The following RGS9 variants were observed in gnomAD, a reference collection of about 807,000 sequenced individuals.
RGS9 encodes regulator of G-protein signalling 9.
In RGS9, 78 loss-of-function variants were observed where a neutral mutation model predicts 102.0. That is an observed-to-expected ratio of 0.76 (90% CI 0.64 to 0.92). The LOEUF (loss-of-function observed/expected upper bound fraction) is 0.92, where lower values mean the gene tolerates loss of function less well. Among genes scored for constraint, RGS9 ranks in the 40% least tolerant of loss-of-function variants. The pLI is 0.00. For missense variants in RGS9, 833 were observed against 866.1 expected (o/e 0.96, Z 0.48); for synonymous variants, 353 against 318.6 (o/e 1.11, Z -1.15).
chr17:65,168,213 A>C lies in RGS9; in HGVS notation c.514A>C (p.Arg172=). 5.6e-6 allele frequency: 9 copies of C among 1,610,472 alleles called. No individual in the cohort carries two copies. The highest frequency in any genetic ancestry group is 5.9e-6 in the Non-Finnish European group (7 of 1,178,466). ...TTGGCTTTCCAGGGCTGGAAAGGAGAGGAACAAAGCAGACAGATATGCCCT... is the reference window on the plus strand; with the variant it reads ...TTGGCTTTCCAGGGCTGGAAAGGAGCGGAACAAAGCAGACAGATATGCCCT... ...AKEQYRAGKE[R]NKADRYALDC... Residue 172 remains arginine (R), a synonymous_variant, in exon 8 of 19, where the codon AGG becomes CGG. Transcript: ENST00000262406.
At chr17:65,201,910 G>A in intron 13 of RGS9, 83 bp from the exon 14 acceptor site, 2 of 926,552 alleles carry the variant, frequency 2.2e-6, no homozygotes, top group Non-Finnish European at 3.6e-6. Context: ...CATCCCGGTT[G>A]ACTCATTTCT....
chr17:65,181,922 A>G (rs1676032169), intron 9 of RGS9, among the ~76,000 whole-genome samples: 1 of 152,322 alleles, frequency 6.6e-6, no homozygotes, highest in African/African-American at 2.4e-5. Flanking sequence ...AAATGTTGTC[A>G]TGCTATGAGA....
At chr17:65,195,168 T>C (rs1458677010) in intron 12 of RGS9, among the ~76,000 whole-genome samples, 2 of 152,156 alleles carry the variant, frequency 1.3e-5, no homozygotes, top group Non-Finnish European at 2.9e-5. Context: ...TGGACAAGCA[T>C]GTGCGGACGC....
At chr17:65,155,071 T>C (rs563277454) in intron 2 of RGS9, among the ~76,000 whole-genome samples, 1 of 152,296 alleles carries the variant, frequency 6.6e-6, no homozygotes, top group East Asian at 1.9e-4. Context: ...GGGGAAGTAA[T>C]TGAAATGCTA....
Position 65,160,883 on chromosome 17 carries a change from A to G in RGS9, c.397A>G (p.Lys133Glu), listed in dbSNP as rs1910958745. ...TCTGGCCAAGCGAAATATCAAAAAG[A>G]AAGGGATTTTGGAAGAATATGAAAA... Reference protein sequence around the residue: ...IYLAKRNIKKKGILEEYEKEN... With the variant: ...IYLAKRNIKKEGILEEYEKEN... The change falls in exon 6 of 19, where the codon AAA (lysine) becomes GAA (glutamate). Residue 133 changes from lysine (K) to glutamate (E), a missense_variant. Physicochemically the swap from Lys to Glu is moderately conservative, Grantham distance 56. Transcript: ENST00000262406. The G allele has an allele frequency of 6.2e-7, 1 of 1,614,006 alleles. No homozygotes were observed. Among genetic ancestry groups the G allele is most frequent in the African/African-American group, 1.3e-5 (1 of 75,056 alleles).
chr17:65,143,666 C>T (rs888163584), intron 1 of RGS9, among the ~76,000 whole-genome samples: 11 of 151,926 alleles, frequency 7.2e-5, no homozygotes, highest in African/African-American at 2.7e-4. Context: ...TGCTGGCAGG[C>T]ACCTCTAGCC....
chr17:65,183,775 T>A (rs1347591249), intron 9 of RGS9, among the ~76,000 whole-genome samples: 1 of 152,210 alleles, frequency 6.6e-6, no homozygotes, highest in Non-Finnish European at 1.5e-5. Flanking sequence ...GATACCTGCC[T>A]GGCTACCCCA....
At chr17:65,205,510 T>G (rs1489696190) in intron 15 of RGS9, among the ~76,000 whole-genome samples, 1 of 152,272 alleles carries the variant, frequency 6.6e-6, no homozygotes, top group Non-Finnish European at 1.5e-5. Flanking sequence ...GTCATACAGG[T>G]TATATGATAT....
At chr17:65,156,800 G>A (rs1245622616) in intron 2 of RGS9, among the ~76,000 whole-genome samples, 1 of 152,174 alleles carries the variant, frequency 6.6e-6, no homozygotes, top group Non-Finnish European at 1.5e-5. Flanking sequence ...AGAGAGACTT[G>A]GTGTGGAAAG....
At chr17:65,214,253 G>A (rs1051973784) in intron 17 of RGS9, among the ~76,000 whole-genome samples, 7 of 152,206 alleles carry the variant, frequency 4.6e-5, no homozygotes, top group Non-Finnish European at 1.0e-4. Context: ...ATGAACAATT[G>A]CACCTGCCCC....
Position 65,179,073 on chromosome 17 carries a change from T to C in RGS9, c.654+1270T>C, listed in dbSNP as rs565756683. Among the ~76,000 whole-genome samples, 28 of 152,248 alleles carry C rather than the reference T, an allele frequency of 1.8e-4. No individual in the cohort carries two copies. The South Asian group carries it at 5.8e-3, about 32-fold the overall frequency. ...TAGTTTCATTGCTTTCTGTCAAACA[T>C]TGTCTTTGGGTAGCAAGGGTGTCAT... is the stretch of plus-strand genomic sequence containing the variant. On this transcript the variant is annotated intron_variant, in intron 9 of 18. Coordinates refer to ENST00000262406, the MANE Select transcript of RGS9 (RefSeq NM_003835.4).
intron 15 of RGS9, 84 bp downstream of exon 15, chr17:65,204,385 A>G: frequency 1.3e-6 from 2 of 1,500,410 alleles, no homozygotes; most frequent in Non-Finnish European, 1.8e-6. Flanking sequence ...ATATAGGAAA[A>G]AGAGAGAGGA....
intron 1 of RGS9, among the ~76,000 whole-genome samples, chr17:65,147,778 A>G (rs888515295): frequency 6.6e-6 from 1 of 151,348 alleles, no homozygotes; most frequent in African/African-American, 2.4e-5. Context: ...TTTTGTAGAG[A>G]CGGGGTTTTA....
chr17:65,168,525 G>A (rs1234090777), intron 8 of RGS9, among the ~76,000 whole-genome samples: 1 of 129,350 alleles, frequency 7.7e-6, no homozygotes, highest in African/African-American at 2.9e-5. Flanking sequence ...GAATGAATTT[G>A]TCTTTTACGA....
chr17:65,159,471 C>T (rs1313236126), intron 3 of RGS9, among the ~76,000 whole-genome samples: 1 of 151,966 alleles, frequency 6.6e-6, no homozygotes, highest in Non-Finnish European at 1.5e-5. Flanking sequence ...ATGGAGGGAG[C>T]GAGACCTGGA....
At chr17:65,181,739 G>C (rs746958296) in intron 9 of RGS9, among the ~76,000 whole-genome samples, 12 of 152,210 alleles carry the variant, frequency 7.9e-5, no homozygotes, top group Non-Finnish European at 1.5e-4. Context: ...GCCACTTCCG[G>C]TCCATGTGAT....
At chr17:65,142,096 T>C (rs976906575) in intron 1 of RGS9, among the ~76,000 whole-genome samples, 4 of 152,074 alleles carry the variant, frequency 2.6e-5, no homozygotes, top group African/African-American at 9.7e-5. Context: ...ATACACAAAT[T>C]AGCCAGGCAT....
At chr17:65,214,244 T>A (rs1315448317) in intron 17 of RGS9, among the ~76,000 whole-genome samples, 2 of 152,244 alleles carry the variant, frequency 1.3e-5, no homozygotes, top group African/African-American at 4.8e-5. Context: ...ATTATAGGCA[T>A]GAACAATTGC....
chr17:65,199,304 T>C (rs1248508223), intron 13 of RGS9, among the ~76,000 whole-genome samples: 1 of 152,140 alleles, frequency 6.6e-6, no homozygotes, highest in Non-Finnish European at 1.5e-5. Context: ...TCATCTTCTA[T>C]TCCTGCTTCT....
Sources: gnomAD v4.1 joint callset for allele counts (sites outside exome capture counted in the v4.1 genomes callset) on GRCh38, gnomAD v4.1.1 for gene constraint, MANE v1.5 for transcripts, NCBI Gene and HGNC (gene_info 2026-07-23, HGNC 2026-07-21) for gene names.